The following MYO1E variants were observed in gnomAD, a reference collection of about 807,000 sequenced individuals.
MYO1E encodes unconventional myosin-Ie.
MYO1E carries 68 observed loss-of-function variants against 151.1 expected under a neutral mutation model. The observed-to-expected ratio is 0.45, with a 90% confidence interval of 0.37 to 0.55. The LOEUF is 0.55. MYO1E is among the 20% of genes least tolerant of loss of function. The pLI, the probability that MYO1E is intolerant of heterozygous loss-of-function variation, is 0.00. For synonymous variants in MYO1E, 601 were observed against 501.7 expected (o/e 1.20, Z -2.64); for missense variants, 1,363 against 1,389.3 (o/e 0.98, Z 0.30).
At chr15:59,310,173 T>C (rs1288131032) in intron 1 of MYO1E, among the ~76,000 whole-genome samples, 1 of 152,090 alleles carries the variant, frequency 6.6e-6, no homozygotes, top group Non-Finnish European at 1.5e-5. Context: ...TTCCTAGCGC[T>C]CACGAAGAAC....
chr15:59,265,790 C>CT (rs148265028), intron 2 of MYO1E, among the ~76,000 whole-genome samples: 31,860 of 118,528 alleles, frequency 0.27, 4,508 homozygotes, highest in African/African-American at 0.36. Flanking sequence ...ACCCCATCTC[C>CT]TTAAAAAAAA....
rs531976863 is a variant in MYO1E at position 59,231,759 on chromosome 15, C to T, written c.453G>A (p.Pro151=). The change falls in exon 6 of 28, where the codon CCG becomes CCA. Residue 151 remains proline, a synonymous_variant. Coordinates refer to ENST00000288235, the MANE Select transcript of MYO1E (RefSeq NM_004998.4). ...TGGCGTTCCCGAAGGCCTCCAGCAG[C>T]GGGTTGGACTGCAGGATAATGTCCT... ...HVKDIILQSN[P]LLEAFGNAKT... is the part of the protein sequence containing the mutation. 3.9e-5 allele frequency: 63 copies of T among 1,614,154 alleles called. No individual in the cohort carries two copies. Among genetic ancestry groups the T allele is most frequent in the Non-Finnish European group, 4.7e-5 (55 of 1,180,012 alleles).
chr15:59,279,588 G>A (rs185813726), intron 1 of MYO1E, among the ~76,000 whole-genome samples: 10 of 152,172 alleles, frequency 6.6e-5, no homozygotes, highest in East Asian at 1.9e-4. Context: ...TCAGCAAAAA[G>A]GGGTTCATAA....
At chr15:59,171,159 CGGGAGGACTTAGCAT>C (rs1212521603) in intron 22 of MYO1E, 1 of 155,888 alleles carries the variant, frequency 6.4e-6, no homozygotes, top group African/African-American at 2.4e-5. Context: ...GGGAGGACTT[CGGGAGGACTTAGCAT>C]GGGAGGACTC....
At chr15:59,253,063 A>C (rs1347379433) in intron 4 of MYO1E, among the ~76,000 whole-genome samples, 1 of 152,224 alleles carries the variant, frequency 6.6e-6, no homozygotes, top group Non-Finnish European at 1.5e-5. Flanking sequence ...TCACTGTTCA[A>C]CAACAGGATC....
chr15:59,192,382 T>C (rs2079739557), intron 17 of MYO1E, among the ~76,000 whole-genome samples: 1 of 152,192 alleles, frequency 6.6e-6, no homozygotes, highest in Non-Finnish European at 1.5e-5. Flanking sequence ...ATTTAATTTC[T>C]CCATTTTCTG....
intron 26 of MYO1E, among the ~76,000 whole-genome samples, chr15:59,147,626 A>G (rs1378823642): frequency 1.3e-5 from 2 of 150,120 alleles, no homozygotes; most frequent in Non-Finnish European, 3.0e-5. Context: ...CAATACAAAA[A>G]AAAGAAAGGA....
chr15:59,196,149 C>T (rs1049669126), intron 16 of MYO1E, among the ~76,000 whole-genome samples: 1 of 152,162 alleles, frequency 6.6e-6, no homozygotes. Context: ...CATTCAGTTT[C>T]TTCCTCAATA....
intron 1 of MYO1E, chr15:59,348,975 A>G (rs2080809226): frequency 6.6e-6 from 1 of 152,220 alleles, no homozygotes; most frequent in Non-Finnish European, 1.5e-5. Flanking sequence ...AGGGTCTAAC[A>G]CAAGGCAGAA....
At chr15:59,214,088 G>A in intron 12 of MYO1E, 140 bp downstream of exon 12, 1 of 675,952 alleles carries the variant, frequency 1.5e-6, no homozygotes, top group Middle Eastern at 4.0e-4. Context: ...ATGGCATATG[G>A]TTTTTCTGCC....
At chr15:59,369,402 C>G (rs1326022116) in intron 1 of MYO1E, among the ~76,000 whole-genome samples, 1 of 152,194 alleles carries the variant, frequency 6.6e-6, no homozygotes, top group Non-Finnish European at 1.5e-5. Flanking sequence ...ATCACAATTT[C>G]TGGATCCAAA....
At chr15:59,164,608 CCTT>C (rs2079554334) in intron 22 of MYO1E, among the ~76,000 whole-genome samples, 1 of 152,156 alleles carries the variant, frequency 6.6e-6, no homozygotes, top group African/African-American at 2.4e-5. Flanking sequence ...GACCCTGGAT[CCTT>C]CTTCCATGTA....
chr15:59,151,442 A>ACCCC lies in MYO1E; in HGVS notation c.3080+2144_3080+2147dup, dbSNP rs1253140347. On this transcript the variant is annotated intron_variant, in intron 26 of 27. Transcript: ENST00000288235. ...AGACTCCATCTCAAACAAACAAAAAACCCCCCCCAAAAAAACCAACTAAGG... is the reference window on the plus strand; with the variant it reads ...AGACTCCATCTCAAACAAACAAAAAACCCCCCCCCCCCAAAAAAACCAACTAAGG... Among the ~76,000 whole-genome samples the ACCCC allele has an allele frequency of 5.7e-3, 845 of 147,522 alleles. 8 individuals are homozygous for ACCCC. The highest frequency in any genetic ancestry group is 0.02 in the African/African-American group (793 of 39,670).
At chr15:59,260,951 G>A (rs1471929360) in intron 3 of MYO1E, among the ~76,000 whole-genome samples, 2 of 152,102 alleles carry the variant, frequency 1.3e-5, no homozygotes, top group South Asian at 2.1e-4. Context: ...TTGGCCAGGC[G>A]TGGTGGCTCA....
At chr15:59,360,508 C>G (rs2080879100) in intron 1 of MYO1E, among the ~76,000 whole-genome samples, 1 of 152,188 alleles carries the variant, frequency 6.6e-6, no homozygotes. Context: ...GGCCATCGAG[C>G]CCAGCATGGT....
chr15:59,261,633 T>C, intron 2 of MYO1E, 124 bp from the exon 3 acceptor site: 4 of 696,008 alleles, frequency 5.7e-6, no homozygotes, highest in Non-Finnish European at 1.0e-5. Flanking sequence ...GTACTTGTTT[T>C]CTAAAAGATT....
Position 59,134,659 on chromosome 15 carries a change from G to A in MYO1E, c.*2721C>T, listed in dbSNP as rs2079362110. ...GTTACTTAAAACCTTTGGTTGAAGG[G>A]ATGTCACATTTTTATACTGTGTTTG... On this transcript the variant is annotated 3_prime_UTR_variant, in exon 28 of 28. Coordinates refer to ENST00000288235, the MANE Select transcript of MYO1E (RefSeq NM_004998.4). 1 of 152,234 alleles carries A rather than the reference G, an allele frequency of 6.6e-6. No individual in the cohort carries two copies. The highest frequency in any genetic ancestry group is 1.5e-5 in the Non-Finnish European group (1 of 68,060). The allele number at this position is 152,234 out of a possible 1,614,324, so 9.4% of individuals were successfully genotyped here. A position where few individuals can be genotyped will look rare whatever the true frequency, so the allele number is the denominator to read the frequency against.
intron 14 of MYO1E, chr15:59,208,008 G>T (rs1157455753): frequency 6.2e-7 from 1 of 1,610,870 alleles, no homozygotes; most frequent in Non-Finnish European, 8.5e-7. Context: ...TAAAGATAAA[G>T]CTGACCCCTG....
intron 13 of MYO1E, among the ~76,000 whole-genome samples, chr15:59,209,937 C>T (rs1427378505): frequency 5.5e-5 from 8 of 145,536 alleles, no homozygotes; most frequent in African/African-American, 1.0e-4. Context: ...CAGGCTCAAG[C>T]GATCCTCCCA....
Sources: allele counts gnomAD v4.1 joint callset (sites outside exome capture counted in the v4.1 genomes callset), GRCh38; gene constraint gnomAD v4.1.1; transcripts MANE v1.5; gene names NCBI Gene and HGNC (gene_info 2026-07-23, HGNC 2026-07-21).